ZNF253: variants seen among roughly 807,000 people sequenced by gnomAD.
The protein encoded by ZNF253 is DNA-binding protein.
Under a neutral mutation model 11.9 loss-of-function variants are expected in ZNF253, and 8 were observed. That is an observed-to-expected ratio of 0.67 (90% CI 0.40 to 1.22). ZNF253 has a LOEUF of 1.22. Ranked by LOEUF, ZNF253 falls within the 50% of genes most tolerant of loss-of-function variation. The probability of loss-of-function intolerance (pLI) is 0.01; values close to 1 mark genes in which losing one functional copy is unlikely to be tolerated. For missense variants in ZNF253, 485 were observed against 586.9 expected (o/e 0.83, Z 1.79); for synonymous variants, 194 against 194.9 (o/e 1.00, Z 0.04).
intron 3 of ZNF253, among the ~76,000 whole-genome samples, chr19:19,888,043 AACTT>A (rs1326857566): frequency 6.6e-6 from 1 of 152,088 alleles, no homozygotes; most frequent in Non-Finnish European, 1.5e-5. Context: ...GAAAGAGAAA[AACTT>A]ACTAATGTTA....
Position 19,892,566 on chromosome 19 carries a change from C to T in ZNF253, c.1319C>T (p.Thr440Ile). Residue 440 changes from threonine (T) to isoleucine (I), a missense_variant, in exon 4 of 4, where the codon ACT (threonine) becomes ATT (isoleucine). Physicochemically the swap from Thr to Ile is moderately conservative, Grantham distance 89. Coordinates refer to ENST00000589717, the MANE Select transcript of ZNF253 (RefSeq NM_021047.3). The part of the protein sequence containing the change: ...GKSFTASSTL[T>I]THKRIHTGEK... ...TCCTTTACTGCATCCTCAACTCTAA[C>T]TACACATAAGAGAATTCATACTGGA... The T allele has an allele frequency of 6.2e-7, 1 of 1,613,670 alleles. No individual in the cohort carries two copies. Among genetic ancestry groups the T allele is most frequent in the Non-Finnish European group, 8.5e-7 (1 of 1,179,886 alleles).
intron 3 of ZNF253, among the ~76,000 whole-genome samples, chr19:19,889,512 A>AT (rs1438503405): frequency 6.6e-6 from 1 of 151,948 alleles, no homozygotes; most frequent in East Asian, 1.9e-4. Flanking sequence ...CATTTGGCTG[A>AT]TTTTTGTATT....
At chr19:19,885,366 T>TC (rs2063201930) in intron 3 of ZNF253, among the ~76,000 whole-genome samples, 1 of 94,784 alleles carries the variant, frequency 1.1e-5, no homozygotes, top group South Asian at 3.2e-4. Context: ...TCCTTTCTTT[T>TC]CTTTCTTTTC....
chr19:19,870,694 T>C (rs773640701), intron 1 of ZNF253: 1 of 152,174 alleles, frequency 6.6e-6, no homozygotes, highest in Non-Finnish European at 1.5e-5. Context: ...TTCCACTATA[T>C]GAACACAGTC....
At chr19:19,869,791 T>A (rs1213294893) in intron 1 of ZNF253, among the ~76,000 whole-genome samples, 1 of 145,274 alleles carries the variant, frequency 6.9e-6, no homozygotes, top group East Asian at 2.2e-4. Context: ...TGCCTCAGCC[T>A]CCCGAGTGGC....
At chr19:19,883,698 AC>A (rs1245984074) in intron 3 of ZNF253, among the ~76,000 whole-genome samples, 2 of 152,036 alleles carry the variant, frequency 1.3e-5, no homozygotes, top group Non-Finnish European at 2.9e-5. Context: ...TGCTCATTTT[AC>A]CCTCTCTCCA....
At chr19:19,883,836 A>G (rs929298168) in intron 3 of ZNF253, among the ~76,000 whole-genome samples, 14 of 152,010 alleles carry the variant, frequency 9.2e-5, no homozygotes, top group Non-Finnish European at 1.5e-4. Flanking sequence ...CAGGCAGATC[A>G]CCTGAGATCG....
intron 1 of ZNF253, among the ~76,000 whole-genome samples, chr19:19,869,378 T>C (rs1272350262): frequency 6.6e-6 from 1 of 152,092 alleles, no homozygotes; most frequent in African/African-American, 2.4e-5. Context: ...TAAACATTTT[T>C]TTTTTCGAGG....
chr19:19,885,247 CTTTCTTTCTT>C lies in ZNF253; in HGVS notation c.226+5103_226+5112del, dbSNP rs1184359623. On this transcript the variant is annotated intron_variant, in intron 3 of 3. Transcript: ENST00000589717. Reference sequence around the variant, plus strand: ...TCTTTCTTTCTTTCTTTCTTTCTTTCTTTCTTTCTTTCTTTCTTTCTTTCTTTCTTTCTTT... The same window carrying C: ...TCTTTCTTTCTTTCTTTCTTTCTTTCTCTTTCTTTCTTTCTTTCTTTCTTT... Among the ~76,000 whole-genome samples the C allele has an allele frequency of 2.5e-4, 16 of 64,266 alleles. 1 individual carries two copies. In the Admixed American group the frequency reaches 2.6e-3, roughly 10 times the overall value. The allele number at this position is 64,266 out of a possible 152,430, so 42.2% of individuals were successfully genotyped here.
At chr19:19,888,198 G>A (rs2063214208) in intron 3 of ZNF253, among the ~76,000 whole-genome samples, 2 of 151,864 alleles carry the variant, frequency 1.3e-5, no homozygotes, top group Non-Finnish European at 2.9e-5. Flanking sequence ...TGAGTAGCTG[G>A]TATTATAGGC....
intron 3 of ZNF253, among the ~76,000 whole-genome samples, chr19:19,882,498 G>A (rs2063181999): frequency 6.6e-6 from 1 of 151,960 alleles, no homozygotes; most frequent in Non-Finnish European, 1.5e-5. Context: ...ATCCTTACAG[G>A]TTCAAGCAGT....
intron 1 of ZNF253, among the ~76,000 whole-genome samples, chr19:19,878,194 G>A (rs1202819904): frequency 1.3e-5 from 2 of 152,112 alleles, no homozygotes; most frequent in African/African-American, 2.4e-5. Context: ...TCCATATGAT[G>A]CAAATATAGC....
At chr19:19,885,550 C>T (rs1052297437) in intron 3 of ZNF253, among the ~76,000 whole-genome samples, 3 of 151,940 alleles carry the variant, frequency 2.0e-5, no homozygotes, top group African/African-American at 7.2e-5. Flanking sequence ...GCCACCATGC[C>T]CGGCTAAGTT....
chr19:19,867,898 G>C (rs1343530216), intron 1 of ZNF253, among the ~76,000 whole-genome samples: 1 of 151,158 alleles, frequency 6.6e-6, no homozygotes, highest in African/African-American at 2.4e-5. Flanking sequence ...ATTCTGACTG[G>C]TGTGATGTGG....
At chr19:19,873,151 T>C (rs935087760) in intron 1 of ZNF253, among the ~76,000 whole-genome samples, 3 of 151,946 alleles carry the variant, frequency 2.0e-5, no homozygotes, top group Non-Finnish European at 4.4e-5. Flanking sequence ...TAGGAAGAAA[T>C]AGAATCTGAT....
intron 3 of ZNF253, among the ~76,000 whole-genome samples, chr19:19,886,941 T>A (rs1439446903): frequency 6.6e-6 from 1 of 152,230 alleles, no homozygotes; most frequent in Non-Finnish European, 1.5e-5. Context: ...TATGTCTTGC[T>A]TCACTTTTGT....
intron 1 of ZNF253, among the ~76,000 whole-genome samples, chr19:19,874,143 C>T (rs2063145307): frequency 6.6e-6 from 1 of 152,226 alleles, no homozygotes; most frequent in African/African-American, 2.4e-5. Flanking sequence ...CTCCTGACCT[C>T]AGGTGGTCTG....
intron 3 of ZNF253, among the ~76,000 whole-genome samples, chr19:19,885,655 T>C (rs2063203766): frequency 6.6e-6 from 1 of 152,200 alleles, no homozygotes; most frequent in African/African-American, 2.4e-5. Context: ...CCTCCCAAAG[T>C]GCTGGGATTA....
In ZNF253 at chr19:19,892,833, A is replaced by C; in HGVS notation, c.*86A>C. On this transcript the variant is annotated 3_prime_UTR_variant, in exon 4 of 4. Coordinates refer to ENST00000589717, the MANE Select transcript of ZNF253 (RefSeq NM_021047.3). ...CGACTCTTAGTAAATTTGAGAGTTT[A>C]TATGGAACACAAACCCTACAAATAT... 8.0e-7 allele frequency: 1 copy of C among 1,256,464 alleles called. No homozygotes were observed. Among genetic ancestry groups the C allele is most frequent in the South Asian group, 1.5e-5 (1 of 67,154 alleles). The allele number at this position is 1,256,464 out of a possible 1,614,324, so 77.8% of individuals were successfully genotyped here. A position where few individuals can be genotyped will look rare whatever the true frequency, so the allele number is the denominator to read the frequency against.
Sources: allele counts gnomAD v4.1 joint callset (sites outside exome capture counted in the v4.1 genomes callset), GRCh38; gene constraint gnomAD v4.1.1; transcripts MANE v1.5; gene names NCBI Gene and HGNC (gene_info 2026-07-23, HGNC 2026-07-21).